Variants in RASA3 observed in about 807,000 individuals in gnomAD.
RASA3 encodes the protein RAS p21 protein activator 3.
RASA3 carries 73 observed loss-of-function variants against 110.0 expected under a neutral mutation model. The ratio of observed to expected loss-of-function variants is 0.66; its 90% CI spans 0.55 to 0.81. The LOEUF (loss-of-function observed/expected upper bound fraction) is 0.81. RASA3 is among the 30% of genes least tolerant of loss of function. The pLI is 0.00. For synonymous variants in RASA3, 500 were observed against 451.4 expected (o/e 1.11, Z -1.37); for missense variants, 976 against 1,113.2 (o/e 0.88, Z 1.75).
intron 1 of RASA3, chr13:114,077,997 A>G (rs903539516): frequency 1.0e-6 from 1 of 984,340 alleles, no homozygotes; most frequent in South Asian, 4.7e-5. Context: ...AAACAGAAAA[A>G]AAAAAAAAAA....
chr13:114,052,772 G>C (rs1159629295), intron 2 of RASA3, among the ~76,000 whole-genome samples: 2 of 148,208 alleles, frequency 1.3e-5, no homozygotes, highest in Non-Finnish European at 3.0e-5. Context: ...TGGCTCCTGG[G>C]GGAGAGACCC....
In RASA3 at chr13:113,981,845, G is replaced by C; in HGVS notation, c.2259C>G (p.Ser753Arg). The C allele has an allele frequency of 6.2e-7, 1 of 1,613,680 alleles. No homozygotes were observed. The highest frequency in any genetic ancestry group is 8.5e-7 in the Non-Finnish European group (1 of 1,179,888). ...KLEKMQEACG[S>R]KSVYDGPEQE... ...GCTCCGGGCCGTCATACACAGATTT[G>C]CTCCCACAGGCCTCTGTGGAGGGCG... Residue 753 changes from serine to arginine, a missense_variant, in exon 23 of 24, where the codon AGC becomes AGG. Physicochemically the swap from Ser to Arg is moderately radical, Grantham distance 110 (BLOSUM62 -1). Coordinates refer to ENST00000334062, the MANE Select transcript of RASA3 (RefSeq NM_007368.4).
At chr13:114,125,879 C>T (rs945048249) in intron 1 of RASA3, among the ~76,000 whole-genome samples, 5 of 151,768 alleles carry the variant, frequency 3.3e-5, no homozygotes, top group Admixed American at 3.3e-4. Context: ...CAACCTCGCA[C>T]CCTCCAGAGG....
At position 114,040,705 on chromosome 13, in the gene RASA3, A is replaced by G. The variant is rs1432609031; in HGVS notation, c.372+295T>C. Among the ~76,000 whole-genome samples the G allele has an allele frequency of 5.0e-5, 6 of 120,696 alleles. 1 individual carries two copies. The highest frequency in any genetic ancestry group is 7.0e-5 in the Non-Finnish European group (4 of 57,200). 79.2% of individuals were successfully genotyped at this position (120,696 alleles called of 152,430 possible). A position where few individuals can be genotyped will look rare whatever the true frequency, so the allele number is the denominator to read the frequency against. On this transcript the variant is annotated intron_variant, in intron 4 of 23. Transcript: ENST00000334062. ...CAAACACGCACAACCCAAAATCCAC[A>G]CGCGGAGCCCGCGCTCACTCCGAGC...
In RASA3 at chr13:113,992,599, A is replaced by G; in HGVS notation, c.2142-11T>C. On this transcript the variant is annotated splice_polypyrimidine_tract_variant and intron_variant, in intron 21 of 23. Transcript: ENST00000334062. ...TTGGCTGGGAGGCCGCTGTCCAGAC[A>G]CAGCAAGAACAGAAAGATAAAAACA... is the stretch of plus-strand genomic sequence containing the variant. The G allele has an allele frequency of 6.3e-7, 1 of 1,592,582 alleles. No homozygotes were observed. Among genetic ancestry groups the G allele is most frequent in the Non-Finnish European group, 8.6e-7 (1 of 1,161,790 alleles).
At chr13:114,000,457 G>C (rs1014937938) in intron 19 of RASA3, among the ~76,000 whole-genome samples, 1 of 152,206 alleles carries the variant, frequency 6.6e-6, no homozygotes, top group African/African-American at 2.4e-5. Flanking sequence ...CAGCAGATCT[G>C]ACAGCGAGGG....
At chr13:114,030,388 ACAGGAGGCAAGACTCACG>A (rs1395057235) in intron 4 of RASA3, among the ~76,000 whole-genome samples, 4 of 54,084 alleles carry the variant, frequency 7.4e-5, no homozygotes, top group African/African-American at 1.9e-4. Flanking sequence ...CAAGACTCAC[ACAGGAGGCAAGACTCACG>A]CAGAGAGCAA....
rs1221251516 is a variant in RASA3 at position 113,999,755 on chromosome 13, C to CT, written c.1850-89dup. 4 of 885,268 alleles carry CT rather than the reference C, an allele frequency of 4.5e-6. No homozygotes were observed. The East Asian group carries it at 9.0e-5, about 20-fold the overall frequency. The allele number at this position is 885,268 out of a possible 1,614,324, so 54.8% of individuals were successfully genotyped here. A position where few individuals can be genotyped will look rare whatever the true frequency, so the allele number is the denominator to read the frequency against. On this transcript the variant is annotated intron_variant, in intron 19 of 23. Coordinates refer to ENST00000334062, the MANE Select transcript of RASA3 (RefSeq NM_007368.4). ...GGCTGAGGGGTCTCTGCCGGGGGGT[C>CT]TCCCAGGGGGTCTTTACCGGGGGGT...
intron 9 of RASA3, 103 bp from the exon 10 acceptor site, chr13:114,019,022 G>T: frequency 6.9e-7 from 1 of 1,439,546 alleles, no homozygotes; most frequent in Non-Finnish European, 9.6e-7. Flanking sequence ...TGGTCAGGAG[G>T]GTGATCCTGT....
chr13:114,018,715 A>T, intron 10 of RASA3, 48 bp downstream of exon 10: 2 of 1,600,064 alleles, frequency 1.2e-6, no homozygotes, highest in South Asian at 1.1e-5. Flanking sequence ...GGCCCCAGGC[A>T]GGTGGCACCT....
intron 1 of RASA3, among the ~76,000 whole-genome samples, chr13:114,074,925 G>A (rs1288500930): frequency 6.6e-6 from 1 of 152,262 alleles, no homozygotes; most frequent in African/African-American, 2.4e-5. Flanking sequence ...GAAGGGATGA[G>A]TGACAGCTGT....
rs1433765120 is a variant in RASA3 at position 114,053,983 on chromosome 13, G to A, written c.174-1828C>T. 3.9e-5 allele frequency among the ~76,000 whole-genome samples: 6 copies of A among 152,140 alleles called. No homozygotes were observed. In the East Asian group the frequency reaches 1.2e-3, roughly 29 times the overall value. On this transcript the variant is annotated intron_variant, in intron 2 of 23. Coordinates refer to ENST00000334062, the MANE Select transcript of RASA3 (RefSeq NM_007368.4). ...TCTACTAAAAATACAAAAATTAGCA[G>A]GGCATGGTGGTGGGCGCCTGTAGTC...
At chr13:113,992,839 G>A (rs1020801181) in intron 21 of RASA3, among the ~76,000 whole-genome samples, 3 of 152,142 alleles carry the variant, frequency 2.0e-5, no homozygotes, top group Non-Finnish European at 1.5e-5. Flanking sequence ...AGCAACCTCT[G>A]CTTCAGTTAC....
intron 1 of RASA3, among the ~76,000 whole-genome samples, 157 bp downstream of exon 1, chr13:114,132,278 G>T (rs990396301): frequency 1.2e-4 from 19 of 152,280 alleles, no homozygotes; most frequent in African/African-American, 3.8e-4. Context: ...GTGGGGAGGG[G>T]CCGCGGAGCC....
intron 3 of RASA3, among the ~76,000 whole-genome samples, 200 bp downstream of exon 3, chr13:114,051,852 T>G (rs2079152003): frequency 6.6e-6 from 1 of 152,200 alleles, no homozygotes; most frequent in African/African-American, 2.4e-5. Flanking sequence ...GACCTGAGCC[T>G]GGTGTGATGC....
At position 114,007,674 on chromosome 13, in the gene RASA3, A is replaced by G. The variant is rs1229677496; in HGVS notation, c.1669-68T>C. The G allele has an allele frequency of 2.3e-6, 3 of 1,323,704 alleles. No individual in the cohort carries two copies. The African/African-American group carries it at 4.3e-5, about 19-fold the overall frequency. The allele number at this position is 1,323,704 out of a possible 1,614,324, so 82.0% of individuals were successfully genotyped here. A position where few individuals can be genotyped will look rare whatever the true frequency, so the allele number is the denominator to read the frequency against. ...TCTGACGTGCACGGCTCTCTGTATA[A>G]CAACAGCGTCGGCGGCTACTGCCTC... On this transcript the variant is annotated intron_variant, in intron 17 of 23. Transcript: ENST00000334062.
chr13:114,021,912 C>T (rs566300551), intron 8 of RASA3, among the ~76,000 whole-genome samples: 22 of 152,112 alleles, frequency 1.4e-4, no homozygotes, highest in East Asian at 1.9e-4. Context: ...GGGAGCCAGG[C>T]GTCGCTCTGT....
chr13:114,000,603 G>T (rs2053372212), intron 19 of RASA3, among the ~76,000 whole-genome samples: 1 of 152,186 alleles, frequency 6.6e-6, no homozygotes, highest in Non-Finnish European at 1.5e-5. Context: ...TGGTTCTCTG[G>T]GGAAGCAGAT....
intron 3 of RASA3, among the ~76,000 whole-genome samples, chr13:114,045,038 G>C (rs1202880664): frequency 1.3e-5 from 2 of 152,124 alleles, no homozygotes; most frequent in Non-Finnish European, 2.9e-5. Flanking sequence ...AGGGATCCCT[G>C]CCCCTGCCAC....
Sources: gnomAD v4.1 joint callset for allele counts (sites outside exome capture counted in the v4.1 genomes callset) on GRCh38, gnomAD v4.1.1 for gene constraint, MANE v1.5 for transcripts, NCBI Gene and HGNC (gene_info 2026-07-23, HGNC 2026-07-21) for gene names.